The following CFAP20DC variants were observed in gnomAD, a reference collection of about 807,000 sequenced individuals.
The protein encoded by CFAP20DC is protein CFAP20DC.
In CFAP20DC, 84 loss-of-function variants were observed where a neutral mutation model predicts 101.7. The ratio of observed to expected loss-of-function variants is 0.83; its 90% CI spans 0.69 to 0.99. The LOEUF (loss-of-function observed/expected upper bound fraction) is 0.99. Ranked by LOEUF, CFAP20DC falls within the 50% of genes least tolerant of loss-of-function variation. CFAP20DC has a pLI of 0.00. For synonymous variants in CFAP20DC, 359 were observed against 351.2 expected (o/e 1.02, Z -0.25); for missense variants, 1,007 against 970.3 (o/e 1.04, Z -0.50).
downstream of CFAP20DC, among the ~76,000 whole-genome samples, chr3:58,741,166 CTTCT>C (rs1231692277): frequency 2.0e-5 from 3 of 152,178 alleles, no homozygotes. Context: ...CAATGGTACT[CTTCT>C]TTATTAAAAA....
In CFAP20DC at chr3:58,795,445, G is replaced by A. The variant is rs1442998390; in HGVS notation, c.2237+10950C>T. Among the ~76,000 whole-genome samples, 2 of 152,160 alleles carry A rather than the reference G, an allele frequency of 1.3e-5. No individual in the cohort carries two copies. Among genetic ancestry groups the A allele is most frequent in the Non-Finnish European group, 2.9e-5 (2 of 68,034 alleles). On this transcript the variant is annotated intron_variant, in intron 15 of 16. Transcript: ENST00000482387. The surrounding 1 kb of genome is among the most constrained non-coding windows in gnomAD (Gnocchi z 4.2). ...GCTTGAGCCCAGGAGTACGAGACCA[G>A]CTTGGGCAACAGGGCAAGACCCCAT... is the stretch of plus-strand genomic sequence containing the variant.
At chr3:59,044,621 T>C (rs1699692726) in intron 3 of CFAP20DC, among the ~76,000 whole-genome samples, 1 of 152,122 alleles carries the variant, frequency 6.6e-6, no homozygotes, top group Non-Finnish European at 1.5e-5. Context: ...AGCTTGTATT[T>C]AATCATTCAG....
intron 4 of CFAP20DC, among the ~76,000 whole-genome samples, chr3:59,030,852 C>T (rs2093979134): frequency 6.6e-6 from 1 of 151,984 alleles, no homozygotes; most frequent in Non-Finnish European, 1.5e-5. Flanking sequence ...GAGACGGAGT[C>T]TCGCTCTGTC....
intron 13 of CFAP20DC, among the ~76,000 whole-genome samples, chr3:58,833,074 G>A (rs988454313): frequency 3.9e-5 from 6 of 152,034 alleles, no homozygotes; most frequent in African/African-American, 1.2e-4. Flanking sequence ...TCATAGGAGT[G>A]TAAAAAATTT....
At chr3:59,029,876 C>T (rs1241645459) in intron 4 of CFAP20DC, among the ~76,000 whole-genome samples, 3 of 152,078 alleles carry the variant, frequency 2.0e-5, no homozygotes, top group Non-Finnish European at 2.9e-5. Flanking sequence ...ATGCCTAACA[C>T]GATGCCTGAC....
rs558075592 is a variant in CFAP20DC at position 58,992,132 on chromosome 3, T to C, written c.278+47425A>G. On this transcript the variant is annotated intron_variant, in intron 4 of 16. Transcript: ENST00000482387. ...GGCACAAGAGGTTAAATGACATGCC[T>C]AGGGTCTCAGCCAGCAAATGGTAAA... Among the ~76,000 whole-genome samples, 97 of 152,276 alleles carry C rather than the reference T, an allele frequency of 6.4e-4. 2 individuals carry two copies. In the South Asian group the frequency reaches 0.02, roughly 31 times the overall value.
At position 58,742,360 on chromosome 3, in the gene CFAP20DC, G is replaced by C; in HGVS notation, c.*100C>G. The C allele has an allele frequency of 7.6e-7, 1 of 1,309,788 alleles. No homozygotes were observed. Among genetic ancestry groups the C allele is most frequent in the Non-Finnish European group, 9.8e-7 (1 of 1,019,680 alleles). The allele number at this position is 1,309,788 out of a possible 1,614,324, so 81.1% of individuals were successfully genotyped here. A position where few individuals can be genotyped will look rare whatever the true frequency, so the allele number is the denominator to read the frequency against. On this transcript the variant is annotated 3_prime_UTR_variant, in exon 17 of 17. Transcript: ENST00000482387. ...GTTTCTCTCAGTTACTGTTGATTTTGTGGTCACCCAACACATAAGTTGTGG... is the reference window on the plus strand; with the variant it reads ...GTTTCTCTCAGTTACTGTTGATTTTCTGGTCACCCAACACATAAGTTGTGG...
rs770492964 is a variant in CFAP20DC, at chr3:58,987,906, C to T, written c.279-50144G>A. 1.8e-4 allele frequency among the ~76,000 whole-genome samples: 28 copies of T among 151,910 alleles called. No individual in the cohort carries two copies. In the Middle Eastern group the frequency reaches 0.01, roughly 56 times the overall value. On this transcript the variant is annotated intron_variant, in intron 4 of 16. Transcript: ENST00000482387. ...AAGTTCTACCAAACCTTTAAGGAAC[C>T]CAATACAGATTGTTTGAGATATAAA...
At chr3:58,805,819 G>A (rs1335065351) in intron 15 of CFAP20DC, among the ~76,000 whole-genome samples, 1 of 151,914 alleles carries the variant, frequency 6.6e-6, no homozygotes, top group African/African-American at 2.4e-5. Flanking sequence ...AAATAATGAG[G>A]TTTTTCCTTA....
Position 58,729,443 on chromosome 3 carries a change from CCAA to C in CFAP20DC, c.198-11818_198-11816del, listed in dbSNP as rs1379556239. Among the ~76,000 whole-genome samples, 16 of 151,956 alleles carry C rather than the reference CCAA, an allele frequency of 1.1e-4. No homozygotes were observed. Among genetic ancestry groups the C allele is most frequent in the South Asian group, 6.3e-4 (3 of 4,792 alleles). On this transcript the variant is annotated intron_variant, in intron 3 of 3. Coordinates refer to the CFAP20DC transcript ENST00000486145. The surrounding 1 kb of genome is among the most constrained non-coding windows in gnomAD (Gnocchi z 4.4). The stretch of plus-strand genomic sequence containing the variant: ...TTGATTTTTATATAATGACTTTTAT[CCAA>C]CAACATTAACGAATTCTTATAACTT...
At chr3:59,040,818 A>C (rs1215569993) in intron 3 of CFAP20DC, among the ~76,000 whole-genome samples, 1 of 152,076 alleles carries the variant, frequency 6.6e-6, no homozygotes, top group African/African-American at 2.4e-5. Flanking sequence ...TTGATCAAAT[A>C]TGCATAACAT....
In CFAP20DC at chr3:58,722,235, C is replaced by T. The variant is rs1162063463; in HGVS notation, c.198-4607G>A. ...AGAAGCCTCCCAGTGATTCCAGCCA[C>T]CAAGTGTTCAGTCACCCCCACCCCT... On this transcript the variant is annotated intron_variant, in intron 3 of 3. Transcript: ENST00000486145. The surrounding 1 kb of genome is among the most constrained non-coding windows in gnomAD (Gnocchi z 4.5). Among the ~76,000 whole-genome samples the T allele has an allele frequency of 6.6e-6, 1 of 152,134 alleles. No individual in the cohort carries two copies. Among genetic ancestry groups the T allele is most frequent in the African/African-American group, 2.4e-5 (1 of 41,420 alleles).
intron 4 of CFAP20DC, among the ~76,000 whole-genome samples, chr3:59,033,495 G>A (rs978931158): frequency 2.0e-5 from 3 of 152,126 alleles, no homozygotes; most frequent in African/African-American, 7.2e-5. Flanking sequence ...CCAGTTTAGA[G>A]AAGAACATAA....
At chr3:58,731,453 T>C (rs892645578) in intron 3 of CFAP20DC, among the ~76,000 whole-genome samples, 1 of 152,192 alleles carries the variant, frequency 6.6e-6, no homozygotes, top group Non-Finnish European at 1.5e-5. Flanking sequence ...TTATAAATGA[T>C]CCTTTGGTGC....
At chr3:58,760,303 A>G (rs997778232) in intron 15 of CFAP20DC, among the ~76,000 whole-genome samples, 57 of 152,130 alleles carry the variant, frequency 3.7e-4, no homozygotes, top group African/African-American at 1.4e-3. Flanking sequence ...GCAATTGTGA[A>G]TGGGAGTTCA....
intron 4 of CFAP20DC, among the ~76,000 whole-genome samples, chr3:58,951,412 T>C (rs905487267): frequency 5.9e-5 from 9 of 152,206 alleles, no homozygotes; most frequent in African/African-American, 2.2e-4. Context: ...ACTGGGTATA[T>C]ACCCAAAGGA....
chr3:58,750,979 T>C (rs1462286855), intron 16 of CFAP20DC, among the ~76,000 whole-genome samples: 1 of 152,162 alleles, frequency 6.6e-6, no homozygotes, highest in Non-Finnish European at 1.5e-5. Context: ...AAAATTGGAA[T>C]GGGGGGAAAA....
intron 7 of CFAP20DC, among the ~76,000 whole-genome samples, chr3:58,875,869 C>T (rs1296325298): frequency 1.3e-5 from 2 of 152,078 alleles, no homozygotes; most frequent in Non-Finnish European, 2.9e-5. Flanking sequence ...TAGTTATTAA[C>T]AAAATTAAAA....
Position 58,717,541 on chromosome 3 carries a change from C to G in CFAP20DC, c.*47G>C. On this transcript the variant is annotated 3_prime_UTR_variant, in exon 4 of 4. Coordinates refer to the CFAP20DC transcript ENST00000486145. The surrounding 1 kb of genome is among the most constrained non-coding windows in gnomAD (Gnocchi z 4.1). The stretch of plus-strand genomic sequence containing the variant: ...TGCTCAAGGAAGAAGTGAGGACCCA[C>G]ACTTCCAGGTTCTTGTCCTGATATC... 2.3e-6 allele frequency: 1 copy of G among 432,828 alleles called. No individual in the cohort carries two copies. Among genetic ancestry groups the G allele is most frequent in the Non-Finnish European group, 4.6e-6 (1 of 218,912 alleles). 26.8% of individuals were successfully genotyped at this position (432,828 alleles called of 1,614,324 possible). A position where few individuals can be genotyped will look rare whatever the true frequency, so the allele number is the denominator to read the frequency against.
Sources: allele counts gnomAD v4.1 joint callset (sites outside exome capture counted in the v4.1 genomes callset), GRCh38; gene constraint gnomAD v4.1.1; non-coding constraint Gnocchi (gnomAD v3.1); transcripts MANE v1.5; gene names NCBI Gene and HGNC (gene_info 2026-07-23, HGNC 2026-07-21).